Variants in ZFP64 observed in about 807,000 individuals in gnomAD.
ZFP64 encodes the protein zinc finger protein 64.
ZFP64 carries 14 observed loss-of-function variants against 51.6 expected under a neutral mutation model. The observed-to-expected ratio is 0.27, with a 90% CI of 0.18 to 0.42. ZFP64 has a LOEUF of 0.42. Ranked by LOEUF, ZFP64 falls within the 10% of genes least tolerant of loss-of-function variation. The probability of loss-of-function intolerance (pLI) is 1.00; values close to 1 mark genes in which losing one functional copy is unlikely to be tolerated. For synonymous variants in ZFP64, 375 were observed against 361.4 expected (o/e 1.04, Z -0.43); for missense variants, 754 against 906.8 (o/e 0.83, Z 2.16).
intron 6 of ZFP64, chr20:52,097,503 G>T: frequency 1.4e-6 from 2 of 1,439,044 alleles, no homozygotes; most frequent in Non-Finnish European, 1.9e-6. Flanking sequence ...CGCCCAGGCT[G>T]GAGTGCAGTG....
At chr20:52,097,003 C>A in intron 7 of ZFP64, 1 of 574,632 alleles carries the variant, frequency 1.7e-6, no homozygotes, top group Non-Finnish European at 3.4e-6. Context: ...AATGAAGGAG[C>A]ATGCCAACAG....
intron 7 of ZFP64, among the ~76,000 whole-genome samples, chr20:52,093,689 G>A (rs1223469049): frequency 6.6e-6 from 1 of 152,126 alleles, no homozygotes; most frequent in Non-Finnish European, 1.5e-5. Flanking sequence ...TTTGCAATTA[G>A]GGTAGTTAAT....
intron 2 of ZFP64, among the ~76,000 whole-genome samples, chr20:52,178,213 T>C (rs1182807763): frequency 6.6e-6 from 1 of 152,090 alleles, no homozygotes; most frequent in African/African-American, 2.4e-5. Flanking sequence ...ATGGTTCTTA[T>C]GCACAAGCAA....
At chr20:52,169,235 G>T (rs988626330) in intron 2 of ZFP64, among the ~76,000 whole-genome samples, 24 of 152,160 alleles carry the variant, frequency 1.6e-4, no homozygotes, top group African/African-American at 5.8e-4. Context: ...ATATATTACA[G>T]TTCAATAGAA....
At chr20:52,177,331 G>A (rs767394467) in intron 2 of ZFP64, among the ~76,000 whole-genome samples, 33 of 152,130 alleles carry the variant, frequency 2.2e-4, no homozygotes, top group African/African-American at 3.6e-4. Context: ...GTGGCCCTGC[G>A]GAGGGGACTT....
intron 2 of ZFP64, among the ~76,000 whole-genome samples, chr20:52,181,059 C>T (rs541760979): frequency 7.2e-5 from 11 of 152,328 alleles, no homozygotes; most frequent in African/African-American, 2.6e-4. Context: ...TCTCCTGCCT[C>T]AGCCTCCCGA....
At chr20:52,133,954 G>A (rs1205487943) in intron 5 of ZFP64, among the ~76,000 whole-genome samples, 2 of 151,172 alleles carry the variant, frequency 1.3e-5, no homozygotes, top group East Asian at 1.9e-4. Context: ...ACCTGAGCCC[G>A]GGAGGTGGAG....
chr20:52,158,217 T>C (rs1002455211), intron 5 of ZFP64, among the ~76,000 whole-genome samples: 9 of 152,194 alleles, frequency 5.9e-5, no homozygotes, highest in African/African-American at 2.2e-4. Context: ...ATTGGGTGTA[T>C]CATGACAGAC....
intron 7 of ZFP64, among the ~76,000 whole-genome samples, chr20:52,095,124 C>G (rs938940126): frequency 1.3e-5 from 2 of 152,230 alleles, no homozygotes; most frequent in Non-Finnish European, 2.9e-5. Flanking sequence ...CTCCCACTTA[C>G]AACTGGGTCA....
chr20:52,135,897 G>C (rs1311435683), intron 5 of ZFP64, among the ~76,000 whole-genome samples: 1 of 151,472 alleles, frequency 6.6e-6, no homozygotes, highest in African/African-American at 2.4e-5. Flanking sequence ...TCAGGAGTTC[G>C]AGACCAGCCT....
intron 5 of ZFP64, among the ~76,000 whole-genome samples, chr20:52,101,901 CCTGG>C (rs2079054552): frequency 6.8e-6 from 1 of 146,228 alleles, no homozygotes; most frequent in South Asian, 2.2e-4. Flanking sequence ...GGCGTCCCAT[CCTGG>C]CTAACACAGT....
intron 5 of ZFP64, among the ~76,000 whole-genome samples, chr20:52,140,814 C>T (rs549968211): frequency 6.6e-6 from 1 of 152,222 alleles, no homozygotes; most frequent in Admixed American, 6.5e-5. Context: ...GAAGAAGATA[C>T]CATCTAGGAT....
chr20:52,104,986 G>A (rs1978298906), intron 5 of ZFP64: 1 of 934,620 alleles, frequency 1.1e-6, no homozygotes, highest in Non-Finnish European at 1.6e-6. Context: ...GGGCGGGGAC[G>A]CCCAGGTCCG....
intron 5 of ZFP64, among the ~76,000 whole-genome samples, chr20:52,109,602 A>C (rs1978438762): frequency 1.3e-5 from 2 of 148,864 alleles, no homozygotes; most frequent in African/African-American, 4.9e-5. Flanking sequence ...AACATGTTGA[A>C]ACCCCATCTC....
In ZFP64 at chr20:52,191,566, G is replaced by T. The variant is rs994088105; in HGVS notation, c.46+25C>A. 1 of 1,565,496 alleles carries T rather than the reference G, an allele frequency of 6.4e-7. No homozygotes were observed. The highest frequency in any genetic ancestry group is 1.2e-5 in the South Asian group (1 of 85,428). ...GAGCGCGCACTGGGCCCCGGAGCGC[G>T]CACTGCTCCCGGAAAAGCACTTACT... On this transcript the variant is annotated intron_variant, in intron 1 of 5. Transcript: ENST00000216923. The surrounding 1 kb of genome is among the most constrained non-coding windows in gnomAD (Gnocchi z 4.3).
At chr20:52,186,548 CT>C (rs969481235) in intron 2 of ZFP64, among the ~76,000 whole-genome samples, 43 of 148,636 alleles carry the variant, frequency 2.9e-4, no homozygotes, top group African/African-American at 7.2e-4. Context: ...TTCTGCCAGC[CT>C]TTTTTTTTTC....
chr20:52,138,081 T>C (rs1015165187), intron 5 of ZFP64, among the ~76,000 whole-genome samples: 4 of 151,526 alleles, frequency 2.6e-5, no homozygotes, highest in African/African-American at 7.3e-5. Context: ...GAGGCACACA[T>C]CTGGAGTCCC....
At chr20:52,103,710 G>C (rs74626296) in intron 5 of ZFP64, among the ~76,000 whole-genome samples, 2,032 of 152,248 alleles carry the variant, frequency 0.013, 43 homozygotes, top group African/African-American at 0.046. Flanking sequence ...TCCCCGAGGC[G>C]CAGAGATCAG....
chr20:52,138,014 AAAATAAAT>A (rs199839575), intron 5 of ZFP64, among the ~76,000 whole-genome samples: 316 of 136,630 alleles, frequency 2.3e-3, no homozygotes, highest in Non-Finnish European at 3.9e-3. Context: ...CATCTTTACA[AAAATAAAT>A]AAATAAATAA....
Sources: gnomAD v4.1 joint callset for allele counts (sites outside exome capture counted in the v4.1 genomes callset) on GRCh38, gnomAD v4.1.1 for gene constraint, Gnocchi (gnomAD v3.1) non-coding constraint, MANE v1.5 for transcripts, NCBI Gene and HGNC (gene_info 2026-07-23, HGNC 2026-07-21) for gene names.